The following TLN2 variants were observed in gnomAD, a reference collection of about 807,000 sequenced individuals.
The protein encoded by TLN2 is talin 2.
Under a neutral mutation model 294.7 loss-of-function variants are expected in TLN2, and 118 were observed. That is an observed-to-expected ratio of 0.40 (90% CI 0.34 to 0.47). The LOEUF is 0.47. Among genes scored for constraint, TLN2 ranks in the 20% least tolerant of loss-of-function variants. TLN2 has a pLI of 0.84. For synonymous variants in TLN2, 1,431 were observed against 1,304.5 expected, an observed-to-expected ratio of 1.10 and a Z score of -2.09; for missense variants, 3,083 against 3,282.2, an observed-to-expected ratio of 0.94 and a Z score of 1.48.
chr15:62,698,930 CTCTGTCGGGATTCA>C (rs1453619279), intron 16 of TLN2, 63 bp downstream of exon 16: 2 of 1,457,444 alleles, frequency 1.4e-6, no homozygotes, highest in Non-Finnish European at 1.9e-6. Flanking sequence ...GGGTTATATA[CTCTGTCGGGATTCA>C]TCTAGGTAAA....
intron 1 of TLN2, among the ~76,000 whole-genome samples, chr15:62,418,910 G>A (rs1050723915): frequency 6.6e-6 from 1 of 152,182 alleles, no homozygotes; most frequent in African/African-American, 2.4e-5. Flanking sequence ...AGTTGCTTCA[G>A]GCCATCTGGA....
intron 3 of TLN2, among the ~76,000 whole-genome samples, chr15:62,621,481 T>A (rs74523680): frequency 6.6e-6 from 1 of 152,200 alleles, no homozygotes; most frequent in African/African-American, 2.4e-5. Context: ...CTTGGTGGCA[T>A]TGATTCAGGC....
chr15:62,435,777 G>T (rs4775502), intron 1 of TLN2, among the ~76,000 whole-genome samples: 6 of 151,904 alleles, frequency 3.9e-5, no homozygotes, highest in African/African-American at 1.2e-4. Context: ...CCTGACCTCA[G>T]GTGATCCACC....
At chr15:62,685,353 C>G (rs568798668) in intron 11 of TLN2, among the ~76,000 whole-genome samples, 15 of 152,220 alleles carry the variant, frequency 9.9e-5, no homozygotes, top group African/African-American at 3.1e-4. Flanking sequence ...TGGATTGTTT[C>G]ATCTACAGCC....
At chr15:62,580,788 T>C (rs1368995686) in intron 1 of TLN2, among the ~76,000 whole-genome samples, 2 of 152,022 alleles carry the variant, frequency 1.3e-5, no homozygotes, top group African/African-American at 2.4e-5. Flanking sequence ...TATAGTATCA[T>C]GCAAAGTAGT....
chr15:62,487,894 A>G (rs1468805869), intron 1 of TLN2, among the ~76,000 whole-genome samples: 1 of 151,462 alleles, frequency 6.6e-6, no homozygotes, highest in African/African-American at 2.4e-5. Flanking sequence ...CAGAGTGAGA[A>G]TCCGTCTCAA....
At chr15:62,617,531 C>T (rs759241238) in intron 2 of TLN2, among the ~76,000 whole-genome samples, 2 of 152,186 alleles carry the variant, frequency 1.3e-5, no homozygotes, top group Non-Finnish European at 2.9e-5. Flanking sequence ...GGTACACTGG[C>T]CACTGTCACC....
chr15:62,470,482 A>G (rs1229070849), intron 1 of TLN2, among the ~76,000 whole-genome samples: 1 of 152,208 alleles, frequency 6.6e-6, no homozygotes, highest in Non-Finnish European at 1.5e-5. Flanking sequence ...CTAGGCTGCC[A>G]AACTTGAATT....
Position 62,724,987 on chromosome 15 carries a change from T to C in TLN2, c.3138T>C (p.Ala1046=). Residue 1046 remains alanine, a synonymous_variant, in exon 27 of 59, where the codon GCT becomes GCC. Coordinates refer to ENST00000636159, the MANE Select transcript of TLN2 (RefSeq NM_015059.3). ...LRTASQKAHE[A]CGPMEIDSAL... The stretch of plus-strand genomic sequence containing the variant: ...AACTCTGTTGGCAGGCCCATGAAGC[T>C]TGTGGTCCGATGGAAATCGATTCAG... 4 of 1,611,982 alleles carry C rather than the reference T, an allele frequency of 2.5e-6. No individual in the cohort carries two copies. The highest frequency in any genetic ancestry group is 3.4e-6 in the Non-Finnish European group (4 of 1,178,882).
chr15:62,585,888 C>T (rs991905980), intron 1 of TLN2, among the ~76,000 whole-genome samples: 1 of 152,170 alleles, frequency 6.6e-6, no homozygotes, highest in African/African-American at 2.4e-5. Context: ...TGAGCTGTTT[C>T]CATCATGGCA....
At chr15:62,753,983 C>G in intron 36 of TLN2, 67 bp downstream of exon 36, 1 of 1,392,882 alleles carries the variant, frequency 7.2e-7, no homozygotes, top group Non-Finnish European at 9.4e-7. Context: ...TTGTGGGAGA[C>G]TATGAGAAAT....
intron 41 of TLN2, among the ~76,000 whole-genome samples, chr15:62,769,049 A>T (rs578198037): frequency 1.5e-3 from 231 of 152,338 alleles, no homozygotes; most frequent in Non-Finnish European, 2.5e-3. Flanking sequence ...TGCTACCTCC[A>T]TGGGGGAGCC....
At chr15:62,712,904 A>G (rs1463841888) in intron 22 of TLN2, among the ~76,000 whole-genome samples, 9 of 152,236 alleles carry the variant, frequency 5.9e-5, no homozygotes, top group Admixed American at 4.6e-4. Context: ...AAATGTGAAA[A>G]AAGAAAATAA....
At chr15:62,717,906 T>C (rs2059888481) in intron 24 of TLN2, among the ~76,000 whole-genome samples, 1 of 152,200 alleles carries the variant, frequency 6.6e-6, no homozygotes, top group Admixed American at 6.5e-5. Flanking sequence ...CGTTGTCTAC[T>C]TTTGTCCACA....
chr15:62,721,293 G>A (rs984830516), intron 25 of TLN2, among the ~76,000 whole-genome samples: 2 of 152,172 alleles, frequency 1.3e-5, no homozygotes, highest in African/African-American at 4.8e-5. Context: ...TATAGAGCAT[G>A]CTTTTAAATA....
intron 37 of TLN2, among the ~76,000 whole-genome samples, chr15:62,756,255 T>A (rs1030079426): frequency 2.0e-5 from 3 of 152,230 alleles, no homozygotes; most frequent in African/African-American, 7.2e-5. Context: ...GAGCATCTGG[T>A]GTTCATTAAA....
intron 1 of TLN2, among the ~76,000 whole-genome samples, chr15:62,434,183 C>T (rs577069203): frequency 1.3e-5 from 2 of 152,274 alleles, no homozygotes; most frequent in African/African-American, 4.8e-5. Context: ...CTAAAGGCAA[C>T]CACTGTTAGT....
chr15:62,664,618 G>A (rs1352729495), intron 9 of TLN2, among the ~76,000 whole-genome samples: 1 of 151,898 alleles, frequency 6.6e-6, no homozygotes, highest in Non-Finnish European at 1.5e-5. Flanking sequence ...CAGCACTTTG[G>A]GAGGCCGAAG....
chr15:62,460,545 G>C (rs553161261), intron 1 of TLN2, among the ~76,000 whole-genome samples: 27 of 152,288 alleles, frequency 1.8e-4, no homozygotes, highest in African/African-American at 6.5e-4. Flanking sequence ...TTACAGGTGT[G>C]AGCCACCGTG....
Sources: gnomAD v4.1 joint callset for allele counts (sites outside exome capture counted in the v4.1 genomes callset) on GRCh38, gnomAD v4.1.1 for gene constraint, MANE v1.5 for transcripts, NCBI Gene and HGNC (gene_info 2026-07-23, HGNC 2026-07-21) for gene names.